The following PRKAR1A variants were observed in gnomAD, a reference collection of about 807,000 sequenced individuals.
The protein encoded by PRKAR1A is protein kinase cAMP-dependent type I regulatory subunit alpha, also known as cAMP-dependent protein kinase type I-alpha regulatory subunit.
In PRKAR1A, 3 loss-of-function variants were observed where a neutral mutation model predicts 52.0. The observed-to-expected ratio is 0.06, with a 90% CI of 0.03 to 0.15. The LOEUF is 0.15. Ranked by LOEUF, PRKAR1A falls within the 10% of genes least tolerant of loss-of-function variation. The probability of loss-of-function intolerance (pLI) is 1.00; values close to 1 mark genes in which losing one functional copy is unlikely to be tolerated. For synonymous variants in PRKAR1A, 188 were observed against 168.4 expected, an observed-to-expected ratio of 1.12 and a Z score of -0.90; for missense variants, 240 against 477.4, an observed-to-expected ratio of 0.50 and a Z score of 4.63.
At chr17:68,482,596 G>A in the PRKAR1A span, among the ~76,000 whole-genome samples, 4 of 152,094 alleles carry the variant, frequency 2.6e-5, no homozygotes, top group African/African-American at 9.7e-5. Context: ...CCTTCACTCT[G>A]GGGCAATAAC....
chr17:68,534,468 C>T (rs116121087), downstream of PRKAR1A, among the ~76,000 whole-genome samples: 1 of 151,932 alleles, frequency 6.6e-6, no homozygotes, highest in Non-Finnish European at 1.5e-5. Flanking sequence ...GTTTGAGCCT[C>T]CCAACACACA....
intron 11 of PRKAR1A, chr17:68,541,477 G>A (rs1255000735): frequency 1.6e-5 from 3 of 189,618 alleles, no homozygotes; most frequent in Middle Eastern, 2.2e-3. Flanking sequence ...CTTTTCCCAC[G>A]ATGATCATGA....
At chr17:68,548,529 CA>C (rs985971024) in intron 11 of PRKAR1A, among the ~76,000 whole-genome samples, 55 of 140,348 alleles carry the variant, frequency 3.9e-4, no homozygotes, top group African/African-American at 7.1e-4. Context: ...GACTCTGTCT[CA>C]AAAAAAAAAA....
At chr17:68,486,487 TTCCTTCCTTCCTTCCTTCC>T in the PRKAR1A span, among the ~76,000 whole-genome samples, 4 of 61,378 alleles carry the variant, frequency 6.5e-5, no homozygotes, top group African/African-American at 2.8e-4. Flanking sequence ...CCTTCCTTCC[TTCCTTCCTTCCTTCCTTCC>T]TTCTTTCTTT....
At chr17:68,429,930 T>C in the PRKAR1A span, 1 of 1,604,164 alleles carries the variant, frequency 6.2e-7, no homozygotes, top group Non-Finnish European at 8.5e-7. Context: ...TTGGGGATTT[T>C]TGTGCTTTGG....
chr17:68,504,321 G>C, the PRKAR1A span, among the ~76,000 whole-genome samples: 1 of 151,718 alleles, frequency 6.6e-6, no homozygotes, highest in African/African-American at 2.4e-5. Context: ...AAAAAATTTA[G>C]CCAGGCATGG....
intron 2 of PRKAR1A, among the ~76,000 whole-genome samples, chr17:68,518,389 G>C (rs956491955): frequency 4.6e-5 from 7 of 152,244 alleles, no homozygotes; most frequent in Admixed American, 4.6e-4. Flanking sequence ...AGGCATTTCT[G>C]TACATCTTCT....
the PRKAR1A span, among the ~76,000 whole-genome samples, chr17:68,458,154 C>G: frequency 1.3e-5 from 2 of 152,218 alleles, no homozygotes; most frequent in African/African-American, 2.4e-5. Context: ...AGCAAGTTAT[C>G]TTATCCATTG....
chr17:68,486,473 CCT>C, the PRKAR1A span, among the ~76,000 whole-genome samples: 7 of 82,408 alleles, frequency 8.5e-5, no homozygotes, highest in Admixed American at 7.7e-4. Context: ...TTCTTTCTCT[CCT>C]TCCTTCCTTC....
chr17:68,549,441 C>T (rs903764267), intron 11 of PRKAR1A, among the ~76,000 whole-genome samples: 9 of 151,442 alleles, frequency 5.9e-5, no homozygotes, highest in Non-Finnish European at 8.8e-5. Context: ...TTGCAGTGAG[C>T]CGAGATAGCG....
chr17:68,482,945 A>G, the PRKAR1A span, among the ~76,000 whole-genome samples: 21 of 152,202 alleles, frequency 1.4e-4, no homozygotes, highest in Non-Finnish European at 2.5e-4. Flanking sequence ...GGATGTGGCT[A>G]ATTGTTTGTC....
chr17:68,527,150 T>G (rs2085817747), intron 7 of PRKAR1A, among the ~76,000 whole-genome samples: 3 of 152,208 alleles, frequency 2.0e-5, no homozygotes, highest in Admixed American at 2.0e-4. Flanking sequence ...AATATTTTAC[T>G]TTCTCATAGT....
At chr17:68,418,912 C>T in the PRKAR1A span, among the ~76,000 whole-genome samples, 276 of 151,822 alleles carry the variant, frequency 1.8e-3, no homozygotes, top group Non-Finnish European at 3.2e-3. Context: ...TGTTTAGGAA[C>T]TCTTGTAATT....
At chr17:68,435,543 T>C in the PRKAR1A span, 14 of 1,400,130 alleles carry the variant, frequency 1.0e-5, no homozygotes, top group Admixed American at 2.4e-4. Context: ...TCACCAGGTT[T>C]GTTCAATCCC....
At chr17:68,495,433 C>T in the PRKAR1A span, among the ~76,000 whole-genome samples, 4 of 152,186 alleles carry the variant, frequency 2.6e-5, no homozygotes, top group African/African-American at 9.7e-5. Flanking sequence ...CCTGGACTGA[C>T]GTTCCCATCC....
chr17:68,484,704 G>A, the PRKAR1A span, among the ~76,000 whole-genome samples: 20 of 152,166 alleles, frequency 1.3e-4, no homozygotes, highest in Admixed American at 1.3e-3. Context: ...GGTTGAAAAA[G>A]CTCCATTTGG....
intron 11 of PRKAR1A, chr17:68,542,610 G>T: frequency 9.8e-7 from 1 of 1,024,792 alleles, no homozygotes; most frequent in Non-Finnish European, 1.5e-6. Context: ...GCAGCAGGGT[G>T]TCAGGCCACT....
the PRKAR1A span, among the ~76,000 whole-genome samples, chr17:68,496,543 T>C: frequency 1.3e-5 from 2 of 152,184 alleles, no homozygotes; most frequent in Non-Finnish European, 2.9e-5. Flanking sequence ...TTAATTCCCA[T>C]TTGCCATGTA....
At chr17:68,445,795 G>C in the PRKAR1A span, among the ~76,000 whole-genome samples, 2 of 152,164 alleles carry the variant, frequency 1.3e-5, no homozygotes, top group Admixed American at 6.5e-5. Context: ...GCAGCTCCTC[G>C]CACATCTGAG....
Sources: gnomAD v4.1 joint callset for allele counts (sites outside exome capture counted in the v4.1 genomes callset) on GRCh38, gnomAD v4.1.1 for gene constraint, MANE v1.5 for transcripts, NCBI Gene and HGNC (gene_info 2026-07-23, HGNC 2026-07-21) for gene names.